Variants in TMEM154 observed in about 807,000 individuals in gnomAD.
The protein encoded by TMEM154 is transmembrane protein 154.
A neutral mutation model predicts 24.5 loss-of-function variants in TMEM154; 27 were observed. The observed-to-expected ratio is 1.10, with a 90% CI of 0.81 to 1.52. TMEM154 has a LOEUF of 1.52. Among genes scored for constraint, TMEM154 ranks in the 40% most tolerant of loss-of-function variants. The probability of loss-of-function intolerance (pLI) is 0.00; values close to 1 mark genes in which losing one functional copy is unlikely to be tolerated. For missense variants in TMEM154, 228 were observed against 213.4 expected (o/e 1.07, Z -0.43); for synonymous variants, 67 against 76.8 (o/e 0.87, Z 0.67).
At chr4:152,636,181 T>C (rs6832853) in intron 6 of TMEM154, among the ~76,000 whole-genome samples, 16,259 of 152,234 alleles carry the variant, frequency 0.11, 1,148 homozygotes, top group African/African-American at 0.2. Flanking sequence ...GAGTGTGTTT[T>C]CTACACAGAA....
chr4:152,631,333 T>G (rs1372340176), intron 6 of TMEM154, among the ~76,000 whole-genome samples: 4 of 152,274 alleles, frequency 2.6e-5, no homozygotes, highest in African/African-American at 7.2e-5. Context: ...ACTCTTTTAT[T>G]ACCACAAAGA....
intron 6 of TMEM154, among the ~76,000 whole-genome samples, chr4:152,629,494 G>T (rs1751991516): frequency 1.3e-5 from 2 of 152,146 alleles, no homozygotes; most frequent in South Asian, 4.1e-4. Context: ...CAAGTACCTG[G>T]CTCCACACCT....
In TMEM154 at chr4:152,622,472, T is replaced by A. The variant is rs1342820947; in HGVS notation, c.*6074A>T. The A allele has an allele frequency of 6.6e-6, 1 of 152,188 alleles. No homozygotes were observed. Among genetic ancestry groups the A allele is most frequent in the Non-Finnish European group, 1.5e-5 (1 of 68,030 alleles). 9.4% of individuals were successfully genotyped at this position (152,188 alleles called of 1,614,324 possible). ...AACATTTTAGTAAACAAATATCTTA[T>A]CCTCAAATACACTTTTATTCTAAAT... is the stretch of plus-strand genomic sequence containing the variant. On this transcript the variant is annotated 3_prime_UTR_variant, in exon 7 of 7. Transcript: ENST00000304385.
Position 152,679,899 on chromosome 4 carries a change from A to G in TMEM154, c.35T>C (p.Leu12Pro), listed in dbSNP as rs935961385. The change falls in exon 1 of 7, where the codon CTG (leucine) becomes CCG (proline). Residue 12 changes from leucine (L) to proline (P), a missense_variant. By Grantham distance (98) the Leu-to-Pro change is moderately conservative. Coordinates refer to ENST00000304385, the MANE Select transcript of TMEM154 (RefSeq NM_152680.3). ...GCCGACGGGAACGAGCGCGATCACC[A>G]GGGCGAAGACTAGGGCTGCGCGGGG... ...QAPRAALVFA[L>P]VIALVPVGRG... 2 of 1,610,954 alleles carry G rather than the reference A, an allele frequency of 1.2e-6. No individual in the cohort carries two copies. Among genetic ancestry groups the G allele is most frequent in the Non-Finnish European group, 1.7e-6 (2 of 1,179,104 alleles).
At chr4:152,634,453 T>G (rs1444671207) in intron 6 of TMEM154, among the ~76,000 whole-genome samples, 1 of 152,208 alleles carries the variant, frequency 6.6e-6, no homozygotes, top group Non-Finnish European at 1.5e-5. Flanking sequence ...AGGCTCCCTT[T>G]CTCTTCAATA....
chr4:152,662,721 C>T (rs1022122515), intron 1 of TMEM154, among the ~76,000 whole-genome samples: 4 of 152,300 alleles, frequency 2.6e-5, no homozygotes, highest in African/African-American at 9.6e-5. Context: ...CTGACTAAGG[C>T]CCATAATCGT....
chr4:152,653,777 G>A (rs958228944), intron 1 of TMEM154, among the ~76,000 whole-genome samples: 2 of 151,834 alleles, frequency 1.3e-5, no homozygotes, highest in African/African-American at 4.8e-5. Context: ...GGTGGTTCAC[G>A]CCTGTAATCC....
chr4:152,652,567 C>A lies in TMEM154; in HGVS notation c.335G>T (p.Ser112Ile). 1.2e-6 allele frequency: 2 copies of A among 1,613,904 alleles called. No individual in the cohort carries two copies. The highest frequency in any genetic ancestry group is 1.7e-6 in the Non-Finnish European group (2 of 1,179,918). Residue 112 changes from serine (S) to isoleucine (I), a missense_variant, in exon 3 of 7, where the codon AGC becomes ATC. By Grantham distance (142) the Ser-to-Ile change is moderately radical (BLOSUM62 -2). Transcript: ENST00000304385. Reference sequence around the variant, plus strand: ...CTGTAAAGCACTCTGAGATCCTTGGCTAGAAGGTTCTGTATCAAAGCAAAG... The same window carrying A: ...CTGTAAAGCACTCTGAGATCCTTGGATAGAAGGTTCTGTATCAAAGCAAAG... ...KRKRTKQEPS[S>I]QGSQSALQTY...
chr4:152,649,823 T>G (rs1728338891), intron 3 of TMEM154, among the ~76,000 whole-genome samples: 1 of 152,198 alleles, frequency 6.6e-6, no homozygotes. Flanking sequence ...ATATGCAGGT[T>G]CAGGTCCAGA....
At chr4:152,678,480 G>A (rs78057040) in intron 1 of TMEM154, among the ~76,000 whole-genome samples, 4,771 of 140,534 alleles carry the variant, frequency 0.034, 250 homozygotes, top group African/African-American at 0.11. Flanking sequence ...GTCCTACTAC[G>A]AAAGGTTCCA....
At chr4:152,655,472 T>C (rs1728472530) in intron 1 of TMEM154, among the ~76,000 whole-genome samples, 1 of 152,170 alleles carries the variant, frequency 6.6e-6, no homozygotes, top group Non-Finnish European at 1.5e-5. Flanking sequence ...TGCAGCACAG[T>C]GCCACTTTGA....
intron 3 of TMEM154, among the ~76,000 whole-genome samples, chr4:152,646,043 T>C (rs1339807901): frequency 6.6e-6 from 1 of 151,766 alleles, no homozygotes; most frequent in East Asian, 1.9e-4. Flanking sequence ...AATTTTAATA[T>C]AAATAAAGCT....
intron 1 of TMEM154, among the ~76,000 whole-genome samples, chr4:152,679,373 TC>T (rs1341640463): frequency 6.6e-6 from 1 of 151,422 alleles, no homozygotes; most frequent in Non-Finnish European, 1.5e-5. Context: ...ATTTCCCGTT[TC>T]CTTTTTTTTT....
At chr4:152,643,613 T>C (rs915386179) in intron 4 of TMEM154, among the ~76,000 whole-genome samples, 2 of 152,256 alleles carry the variant, frequency 1.3e-5, no homozygotes, top group African/African-American at 4.8e-5. Context: ...GCTACAGTTA[T>C]CACCTGTCCC....
At chr4:152,632,054 G>A (rs973085589) in intron 6 of TMEM154, among the ~76,000 whole-genome samples, 3 of 151,628 alleles carry the variant, frequency 2.0e-5, no homozygotes, top group Non-Finnish European at 2.9e-5. Context: ...TGATCCGCCC[G>A]CCTCGGCCTC....
chr4:152,665,779 A>AAGAATTTGC (rs1214930413), intron 1 of TMEM154, among the ~76,000 whole-genome samples: 2 of 149,722 alleles, frequency 1.3e-5, no homozygotes, highest in African/African-American at 4.9e-5. Context: ...GAGGGGGCCC[A>AAGAATTTGC]AGAATTTGCT....
At chr4:152,658,639 T>A (rs1388267453) in intron 1 of TMEM154, among the ~76,000 whole-genome samples, 1 of 151,774 alleles carries the variant, frequency 6.6e-6, no homozygotes, top group Non-Finnish European at 1.5e-5. Context: ...ATACAAAATT[T>A]TTAGCTTTAC....
At position 152,679,936 on chromosome 4, in the gene TMEM154, C is replaced by G. The variant is rs1392141915; in HGVS notation, c.-3G>C. The G allele has an allele frequency of 1.2e-6, 2 of 1,608,056 alleles. No homozygotes were observed. Among genetic ancestry groups the G allele is most frequent in the Non-Finnish European group, 1.7e-6 (2 of 1,177,900 alleles). ...AGGGCTGCGCGGGGAGCCTGCATGT[C>G]CGCTCGCCTCGGCAGAGGCGCGCTC... is the stretch of plus-strand genomic sequence containing the variant. On this transcript the variant is annotated 5_prime_UTR_variant, in exon 1 of 7. Transcript: ENST00000304385.
intron 3 of TMEM154, chr4:152,647,191 C>T: frequency 1.0e-6 from 1 of 973,976 alleles, no homozygotes; most frequent in Non-Finnish European, 1.2e-6. Flanking sequence ...TACCCAAGTG[C>T]AGTAAGAAAC....
Sources: allele counts gnomAD v4.1 joint callset (sites outside exome capture counted in the v4.1 genomes callset), GRCh38; gene constraint gnomAD v4.1.1; transcripts MANE v1.5; gene names NCBI Gene and HGNC (gene_info 2026-07-23, HGNC 2026-07-21).